The following LCOR variants were observed in gnomAD, a reference collection of about 807,000 sequenced individuals.
LCOR encodes ligand-dependent corepressor.
A neutral mutation model predicts 64.4 loss-of-function variants in LCOR; 14 were observed. The ratio of observed to expected loss-of-function variants is 0.22; its 90% CI spans 0.14 to 0.34. The LOEUF is 0.34. Ranked by LOEUF, LCOR falls within the 10% of genes least tolerant of loss-of-function variation. LCOR has a pLI of 1.00. For missense variants in LCOR, 1,686 were observed against 1,765.3 expected, an observed-to-expected ratio of 0.96 and a Z score of 0.80; for synonymous variants, 643 against 642.5, an observed-to-expected ratio of 1.00 and a Z score of -0.01.
At chr10:96,853,574 C>T (rs1037862894) in intron 2 of LCOR, among the ~76,000 whole-genome samples, 2 of 152,128 alleles carry the variant, frequency 1.3e-5, no homozygotes, top group Admixed American at 6.6e-5. Flanking sequence ...GTTGACTAGG[C>T]AGCTCTGCTG....
In LCOR at chr10:96,928,208, T is replaced by G. The variant is rs1294896496; in HGVS notation, c.-183-15905T>G. Among the ~76,000 whole-genome samples the G allele has an allele frequency of 2.6e-5, 4 of 152,188 alleles. No individual in the cohort carries two copies. In the East Asian group the frequency reaches 7.7e-4, roughly 29 times the overall value. ...TTTCTCTGTAGCATGTGAGGCTGTTTGCATTTTACCCGTAGTAGAACTTCT... is the reference window on the plus strand; with the variant it reads ...TTTCTCTGTAGCATGTGAGGCTGTTGGCATTTTACCCGTAGTAGAACTTCT... On this transcript the variant is annotated intron_variant, in intron 4 of 7. Transcript: ENST00000421806.
intron 2 of LCOR, among the ~76,000 whole-genome samples, chr10:96,865,839 A>G (rs1454442592): frequency 6.9e-6 from 1 of 144,734 alleles, no homozygotes; most frequent in African/African-American, 2.6e-5. Flanking sequence ...GCGCCATTAC[A>G]CTCCAGCCTG....
chr10:96,891,492 T>TC (rs1305206807), intron 2 of LCOR, among the ~76,000 whole-genome samples: 2 of 146,002 alleles, frequency 1.4e-5, no homozygotes, highest in African/African-American at 2.5e-5. Context: ...CTTTTTTTTT[T>TC]TTTTTTTTTT....
chr10:96,984,963 T>A lies in LCOR; in HGVS notation c.4503T>A (p.Gly1501=), dbSNP rs753237028. The change falls in exon 8 of 8, where the codon GGT becomes GGA. Residue 1501 remains glycine, a synonymous_variant. Coordinates refer to ENST00000421806, the MANE Select transcript of LCOR (RefSeq NM_001346516.2). Reference sequence around the variant, plus strand: ...AACCTGCAAAACAGAAGGGGGCCGGTGAATCCTCTTCAAGGCCTCAGAAAG... The same window carrying A: ...AACCTGCAAAACAGAAGGGGGCCGGAGAATCCTCTTCAAGGCCTCAGAAAG... ...LTKPAKQKGA[G]ESSSRPQKAT... is the part of the protein sequence containing the mutation. 3.1e-6 allele frequency: 5 copies of A among 1,614,110 alleles called. No homozygotes were observed. Among genetic ancestry groups the A allele is most frequent in the Non-Finnish European group, 4.2e-6 (5 of 1,180,036 alleles).
chr10:96,900,548 T>C (rs1846616364), intron 2 of LCOR, among the ~76,000 whole-genome samples: 1 of 151,794 alleles, frequency 6.6e-6, no homozygotes, highest in Admixed American at 6.6e-5. Flanking sequence ...AAGAAACTGA[T>C]AGGATCAATC....
intron 7 of LCOR, among the ~76,000 whole-genome samples, chr10:96,954,374 G>T (rs539940420): frequency 2.9e-5 from 1 of 34,556 alleles, no homozygotes; most frequent in East Asian, 8.5e-4. Flanking sequence ...AGCAAAATAA[G>T]AAATGTTACT....
intron 7 of LCOR, chr10:96,955,081 C>T (rs767273583): frequency 1.2e-6 from 2 of 1,614,158 alleles, no homozygotes; most frequent in South Asian, 2.2e-5. Context: ...GTTCCACTGG[C>T]TCGATCCCTG....
At chr10:96,978,213 C>T (rs1848053591) in intron 7 of LCOR, among the ~76,000 whole-genome samples, 1 of 152,190 alleles carries the variant, frequency 6.6e-6, no homozygotes, top group South Asian at 2.1e-4. Flanking sequence ...TGTTGAGCTC[C>T]TTTGTACATC....
chr10:96,862,349 C>T (rs1347073956), intron 2 of LCOR, among the ~76,000 whole-genome samples: 2 of 152,152 alleles, frequency 1.3e-5, no homozygotes, highest in Non-Finnish European at 2.9e-5. Flanking sequence ...CCTTGGCTCA[C>T]TGCAGCCTCG....
chr10:96,952,233 A>G lies in LCOR; in HGVS notation c.332+37A>G, dbSNP rs111385972. 6,491 of 1,410,280 alleles carry G rather than the reference A, an allele frequency of 4.6e-3. 209 individuals are homozygous for G. The African/African-American group carries it at 0.074, about 16-fold the overall frequency. The allele number at this position is 1,410,280 out of a possible 1,614,324, so 87.4% of individuals were successfully genotyped here. The stretch of plus-strand genomic sequence containing the variant: ...TATTTGTAGCCTTACACAGTTTCAT[A>G]TAGATAATTCATCAAAGGTTGATGC... On this transcript the variant is annotated intron_variant, in intron 7 of 7. Transcript: ENST00000421806.
Position 96,982,092 on chromosome 10 carries a change from G to C in LCOR, c.1632G>C (p.Gln544His). ...LASEAVFTPK[Q>H]TLTIPAPRHT... ...CAGAGGCAGTTTTCACTCCTAAGCA[G>C]ACCCTTACAATTCCAGCCCCTAGAC... The change falls in exon 8 of 8, where the codon CAG becomes CAC. Residue 544 changes from glutamine (Q) to histidine (H), a missense_variant. By Grantham distance (24) the Gln-to-His change is conservative (BLOSUM62 0). Transcript: ENST00000421806. The C allele has an allele frequency of 6.2e-7, 1 of 1,614,148 alleles. No homozygotes were observed. Among genetic ancestry groups the C allele is most frequent in the Admixed American group, 1.7e-5 (1 of 60,022 alleles).
At chr10:96,875,234 G>A (rs1367228663) in intron 2 of LCOR, among the ~76,000 whole-genome samples, 1 of 151,752 alleles carries the variant, frequency 6.6e-6, no homozygotes, top group Non-Finnish European at 1.5e-5. Flanking sequence ...AATACAAAAA[G>A]TTAGCCGAGC....
chr10:96,852,547 ATAT>A (rs1229962316), intron 2 of LCOR, among the ~76,000 whole-genome samples: 1 of 152,234 alleles, frequency 6.6e-6, no homozygotes, highest in Non-Finnish European at 1.5e-5. Context: ...GTATATGCAA[ATAT>A]TATAAAATCT....
chr10:96,920,562 ATATG>A (rs1330563983), intron 4 of LCOR, among the ~76,000 whole-genome samples: 8 of 147,160 alleles, frequency 5.4e-5, no homozygotes, highest in South Asian at 2.1e-4. Flanking sequence ...ATATGTGTAT[ATATG>A]TATGTATATT....
At chr10:96,924,379 G>T (rs1251434030) in intron 4 of LCOR, among the ~76,000 whole-genome samples, 3 of 63,178 alleles carry the variant, frequency 4.7e-5, no homozygotes, top group African/African-American at 1.1e-3. Context: ...ATTTGTTTTT[G>T]TTTGTTTGTT....
chr10:96,888,462 C>T (rs144605827), intron 2 of LCOR, among the ~76,000 whole-genome samples: 25 of 150,102 alleles, frequency 1.7e-4, no homozygotes, highest in Non-Finnish European at 3.0e-4. Context: ...TCCACTACTG[C>T]GGGCATGAGA....
At chr10:96,855,697 A>G (rs184507032) in intron 2 of LCOR, among the ~76,000 whole-genome samples, 1 of 151,988 alleles carries the variant, frequency 6.6e-6, no homozygotes, top group African/African-American at 2.4e-5. Flanking sequence ...CGGCCTCCCA[A>G]AGTGCTGGGA....
intron 2 of LCOR, among the ~76,000 whole-genome samples, chr10:96,852,115 A>G (rs1293119169): frequency 6.6e-6 from 1 of 152,206 alleles, no homozygotes; most frequent in East Asian, 1.9e-4. Flanking sequence ...AAAATATTGT[A>G]TAAAATTACC....
intron 7 of LCOR, among the ~76,000 whole-genome samples, chr10:96,966,910 A>G (rs753109845): frequency 2.6e-5 from 4 of 151,954 alleles, no homozygotes; most frequent in South Asian, 2.1e-4. Flanking sequence ...TAATTTTACA[A>G]TTTTTTGTGG....
Sources: gnomAD v4.1 joint callset for allele counts (sites outside exome capture counted in the v4.1 genomes callset) on GRCh38, gnomAD v4.1.1 for gene constraint, MANE v1.5 for transcripts, NCBI Gene and HGNC (gene_info 2026-07-23, HGNC 2026-07-21) for gene names.